The following DGKD variants were observed in gnomAD, a reference collection of about 807,000 sequenced individuals.
DGKD encodes the protein diacylglycerol kinase delta, also known as DAG kinase delta.
In DGKD, 68 loss-of-function variants were observed where a neutral mutation model predicts 154.4. That is an observed-to-expected ratio of 0.44 (90% confidence interval 0.36 to 0.54). The LOEUF (loss-of-function observed/expected upper bound fraction) is 0.54. Ranked by LOEUF, DGKD falls within the 20% of genes least tolerant of loss-of-function variation. The pLI is 0.00. For synonymous variants in DGKD, 693 were observed against 638.0 expected (o/e 1.09, Z -1.30); for missense variants, 1,343 against 1,593.6 (o/e 0.84, Z 2.68).
At chr2:233,391,826 A>G (rs1379961583) in intron 3 of DGKD, among the ~76,000 whole-genome samples, 1 of 152,082 alleles carries the variant, frequency 6.6e-6, no homozygotes, top group Non-Finnish European at 1.5e-5. Context: ...TCTCTGTCTA[A>G]ACCTCTGCTT....
Position 233,409,838 on chromosome 2 carries a change from G to T in DGKD, c.348+19355G>T, listed in dbSNP as rs552784691. On this transcript the variant is annotated intron_variant, in intron 3 of 29. Coordinates refer to ENST00000264057, the MANE Select transcript of DGKD (RefSeq NM_152879.3). ...TTTTAAGACAGGAGGAGGACTGTGGGAGTGGTTATCAGTAGATCTGTGCAG... is the reference window on the plus strand; with the variant it reads ...TTTTAAGACAGGAGGAGGACTGTGGTAGTGGTTATCAGTAGATCTGTGCAG... Among the ~76,000 whole-genome samples, 40 of 147,114 alleles carry T rather than the reference G, an allele frequency of 2.7e-4. No individual in the cohort carries two copies. The South Asian group carries it at 8.9e-3, about 33-fold the overall frequency.
chr2:233,413,427 G>T (rs1229949018), intron 3 of DGKD, among the ~76,000 whole-genome samples: 2 of 150,348 alleles, frequency 1.3e-5, no homozygotes, highest in African/African-American at 4.9e-5. Flanking sequence ...CAGATTTTTT[G>T]TTTCTTGTGT....
chr2:233,462,726 G>T lies in DGKD; in HGVS notation c.3177G>T (p.Lys1059Asn). Reference protein sequence around the residue: ...RSETELLLSGKMALQLDPPQK... With the variant: ...RSETELLLSGNMALQLDPPQK... ...AGACGGAGCTGCTGCTGTCTGGGAA[G>T]ATGGCCCTGGTAAGCTGGTGCCCCA... Residue 1059 changes from lysine to asparagine, a missense_variant, in exon 26 of 30, where the codon AAG (lysine) becomes AAT (asparagine). By Grantham distance (94) the Lys-to-Asn change is moderately conservative. This residue lies in a region of DGKD where 429 missense variants were observed against 496.3 expected (regional missense o/e 0.86). Coordinates refer to ENST00000264057, the MANE Select transcript of DGKD (RefSeq NM_152879.3). 1 of 1,613,682 alleles carries T rather than the reference G, an allele frequency of 6.2e-7. No homozygotes were observed. Among genetic ancestry groups the T allele is most frequent in the South Asian group, 1.1e-5 (1 of 91,082 alleles).
chr2:233,372,512 TTC>T (rs936415102), intron 1 of DGKD, among the ~76,000 whole-genome samples: 22 of 152,298 alleles, frequency 1.4e-4, no homozygotes, highest in African/African-American at 5.1e-4. Flanking sequence ...TCTATCTCCT[TTC>T]TCTCTGTGGT....
At position 233,441,104 on chromosome 2, in the gene DGKD, T is replaced by C. The variant is rs2062870475; in HGVS notation, c.1086-783T>C. Among the ~76,000 whole-genome samples, 1 of 152,086 alleles carries C rather than the reference T, an allele frequency of 6.6e-6. No individual in the cohort carries two copies. Among genetic ancestry groups the C allele is most frequent in the African/African-American group, 2.4e-5 (1 of 41,412 alleles). On this transcript the variant is annotated intron_variant, in intron 9 of 29. Coordinates refer to ENST00000264057, the MANE Select transcript of DGKD (RefSeq NM_152879.3). This position sits in a 1 kb window ranked among gnomAD's most constrained non-coding sequence, Gnocchi z 5.6. The stretch of plus-strand genomic sequence containing the variant: ...TCAGGAGTGGCCTGGGGGCTGTTGA[T>C]CCAGAGTCACCTGTGTGGTCCTTGA...
chr2:233,440,392 G>GC lies in DGKD; in HGVS notation c.1086-1494dup, dbSNP rs1176361055. On this transcript the variant is annotated intron_variant, in intron 9 of 29. Coordinates refer to ENST00000264057, the MANE Select transcript of DGKD (RefSeq NM_152879.3). The surrounding 1 kb of genome is among the most constrained non-coding windows in gnomAD (Gnocchi z 4.9). The stretch of plus-strand genomic sequence containing the variant: ...AGACACTGAGCTCGAGGCAGGGTGC[G>GC]CAGGTGAGCCAGGCGGGGAGTGCAG... 6.6e-6 allele frequency among the ~76,000 whole-genome samples: 1 copy of GC among 152,214 alleles called. No individual in the cohort carries two copies. The highest frequency in any genetic ancestry group is 2.4e-5 in the African/African-American group (1 of 41,452).
At chr2:233,395,968 C>T (rs1703998842) in intron 3 of DGKD, among the ~76,000 whole-genome samples, 1 of 152,160 alleles carries the variant, frequency 6.6e-6, no homozygotes, top group Non-Finnish European at 1.5e-5. Context: ...GTTTCACTAG[C>T]TCTTATTCGA....
chr2:233,449,054 C>G lies in DGKD; in HGVS notation c.1615-49C>G. On this transcript the variant is annotated intron_variant, in intron 14 of 29. Coordinates refer to ENST00000264057, the MANE Select transcript of DGKD (RefSeq NM_152879.3). The surrounding 1 kb of genome is among the most constrained non-coding windows in gnomAD (Gnocchi z 5.3). ...TGGCCTGAGGTTCCCTGCCTGCAGA[C>G]CCTGTTCTCCTGCCTCAGCTCTGCA... 6.5e-7 allele frequency: 1 copy of G among 1,537,908 alleles called. No homozygotes were observed. Among genetic ancestry groups the G allele is most frequent in the Non-Finnish European group, 8.8e-7 (1 of 1,138,072 alleles).
At chr2:233,360,760 A>C (rs1012782620) in intron 1 of DGKD, among the ~76,000 whole-genome samples, 1 of 152,190 alleles carries the variant, frequency 6.6e-6, no homozygotes, top group Non-Finnish European at 1.5e-5. Flanking sequence ...TTTCTTTATA[A>C]GAGGAAGGGG....
In DGKD at chr2:233,437,482, G is replaced by A. The variant is rs973357506; in HGVS notation, c.922+3G>A. The A allele has an allele frequency of 1.2e-6, 2 of 1,613,538 alleles. No individual in the cohort carries two copies. The highest frequency in any genetic ancestry group is 3.3e-5 in the Admixed American group (2 of 59,984). On this transcript the variant is annotated splice_donor_region_variant and intron_variant, in intron 8 of 29. Transcript: ENST00000264057. ...TCTCAACAGCATCGACTCCGATGGT[G>A]GGTACCACACATGCTTATCCTTCTC...
rs144059384 is a variant in DGKD at position 233,440,372 on chromosome 2, C to T, written c.1086-1515C>T. Among the ~76,000 whole-genome samples the T allele has an allele frequency of 6.6e-6, 1 of 152,314 alleles. No individual in the cohort carries two copies. Among genetic ancestry groups the T allele is most frequent in the Non-Finnish European group, 1.5e-5 (1 of 68,024 alleles). Reference sequence around the variant, plus strand: ...CTGAGCACTCATTCTGGGTCAGACACTGAGCTCGAGGCAGGGTGCGCAGGT... The same window carrying T: ...CTGAGCACTCATTCTGGGTCAGACATTGAGCTCGAGGCAGGGTGCGCAGGT... On this transcript the variant is annotated intron_variant, in intron 9 of 29. Coordinates refer to ENST00000264057, the MANE Select transcript of DGKD (RefSeq NM_152879.3). The surrounding 1 kb of genome is among the most constrained non-coding windows in gnomAD (Gnocchi z 4.9).
intron 10 of DGKD, among the ~76,000 whole-genome samples, chr2:233,443,235 CCTTTA>C (rs1486387601): frequency 6.6e-6 from 1 of 152,204 alleles, no homozygotes; most frequent in Non-Finnish European, 1.5e-5. Context: ...AAATGTCTGA[CCTTTA>C]CTTCTTTAAT....
intron 3 of DGKD, among the ~76,000 whole-genome samples, chr2:233,412,201 T>C (rs2061846135): frequency 6.6e-6 from 1 of 152,202 alleles, no homozygotes. Flanking sequence ...TTGGGGAGAA[T>C]TGCTATCTTA....
Position 233,438,540 on chromosome 2 carries a change from A to C in DGKD, c.1085+161A>C, listed in dbSNP as rs1002111820. Among the ~76,000 whole-genome samples, 4 of 152,158 alleles carry C rather than the reference A, an allele frequency of 2.6e-5. No individual in the cohort carries two copies. Among genetic ancestry groups the C allele is most frequent in the Non-Finnish European group, 5.9e-5 (4 of 68,026 alleles). On this transcript the variant is annotated intron_variant, in intron 9 of 29. Coordinates refer to ENST00000264057, the MANE Select transcript of DGKD (RefSeq NM_152879.3). The surrounding 1 kb of genome is among the most constrained non-coding windows in gnomAD (Gnocchi z 4.1). ...TGCACTTGCAGAGGTGCCCACTCTT[A>C]ATAGAGGTGCATGGCCTTCCAACTT...
intron 1 of DGKD, among the ~76,000 whole-genome samples, chr2:233,382,389 G>A (rs1386696310): frequency 6.6e-6 from 1 of 152,196 alleles, no homozygotes; most frequent in Non-Finnish European, 1.5e-5. Context: ...ACCATAGTCA[G>A]GTTTCTGTTT....
chr2:233,378,784 TC>T (rs1702728083), intron 1 of DGKD, among the ~76,000 whole-genome samples: 1 of 152,210 alleles, frequency 6.6e-6, no homozygotes, highest in Non-Finnish European at 1.5e-5. Flanking sequence ...TTGTAAAACT[TC>T]CTGGCGAGGT....
chr2:233,370,382 T>C (rs1352686781), intron 1 of DGKD, among the ~76,000 whole-genome samples: 1 of 151,740 alleles, frequency 6.6e-6, no homozygotes, highest in Non-Finnish European at 1.5e-5. Context: ...CCTGGCTAAT[T>C]TTTGTATTTT....
chr2:233,371,641 T>C (rs1468130883), intron 1 of DGKD, among the ~76,000 whole-genome samples: 1 of 152,244 alleles, frequency 6.6e-6, no homozygotes, highest in Non-Finnish European at 1.5e-5. Flanking sequence ...CCTATGTTCT[T>C]CCACGAGTTT....
chr2:233,428,291 C>A (rs1424772070), intron 3 of DGKD, among the ~76,000 whole-genome samples: 1 of 152,172 alleles, frequency 6.6e-6, no homozygotes, highest in Non-Finnish European at 1.5e-5. Flanking sequence ...ATAGAGAAGG[C>A]AGGCCCAGTT....
Sources: allele counts gnomAD v4.1 joint callset (sites outside exome capture counted in the v4.1 genomes callset), GRCh38; gene constraint gnomAD v4.1.1; regional missense constraint gnomAD v4.1.1; non-coding constraint Gnocchi (gnomAD v3.1); transcripts MANE v1.5; gene names NCBI Gene and HGNC (gene_info 2026-07-23, HGNC 2026-07-21).